The following PRKN variants were observed in gnomAD, a reference collection of about 807,000 sequenced individuals.
PRKN encodes the protein parkin RBR E3 ubiquitin protein ligase, also known as E3 ubiquitin-protein ligase parkin.
A neutral mutation model predicts 59.5 loss-of-function variants in PRKN; 56 were observed. That is an observed-to-expected ratio of 0.94 (90% CI 0.76 to 1.18). PRKN has a LOEUF of 1.18. Ranked by LOEUF, PRKN falls within the 50% of genes most tolerant of loss-of-function variation. PRKN has a pLI of 0.00. For synonymous variants in PRKN, 250 were observed against 222.1 expected (o/e 1.13, Z -1.12); for missense variants, 657 against 596.4 (o/e 1.10, Z -1.06).
intron 5 of PRKN, among the ~76,000 whole-genome samples, chr6:162,027,230 CTTCATAGGAA>C (rs1334648075): frequency 6.6e-6 from 1 of 152,190 alleles, no homozygotes; most frequent in Non-Finnish European, 1.5e-5. Context: ...AGTCTCCATA[CTTCATAGGAA>C]TTCATCTTAT....
chr6:162,141,473 T>G (rs1781779686), intron 4 of PRKN, among the ~76,000 whole-genome samples: 1 of 152,178 alleles, frequency 6.6e-6, no homozygotes, highest in African/African-American at 2.4e-5. Flanking sequence ...ACATTCTAGC[T>G]CAAATAAGTG....
chr6:162,670,280 G>A (rs778017045), intron 1 of PRKN, among the ~76,000 whole-genome samples: 2 of 152,112 alleles, frequency 1.3e-5, no homozygotes, highest in Non-Finnish European at 2.9e-5. Flanking sequence ...AAATCTTTAT[G>A]ACAATAACAA....
chr6:161,485,475 G>A (rs573842805), intron 9 of PRKN, among the ~76,000 whole-genome samples: 50 of 152,268 alleles, frequency 3.3e-4, no homozygotes, highest in Non-Finnish European at 5.9e-4. Context: ...ACTGGAGTTA[G>A]AAATGAAAAT....
chr6:162,190,634 A>G (rs771675246), intron 4 of PRKN, among the ~76,000 whole-genome samples: 2 of 152,188 alleles, frequency 1.3e-5, no homozygotes, highest in Non-Finnish European at 2.9e-5. Context: ...GCACGCATAC[A>G]TTCATAATGC....
In PRKN at chr6:161,349,850, T is replaced by C; in HGVS notation, c.*249A>G. On this transcript the variant is annotated 3_prime_UTR_variant, in exon 12 of 12. Transcript: ENST00000366898. The surrounding 1 kb of genome is among the most constrained non-coding windows in gnomAD (Gnocchi z 5.5). Reference sequence around the variant, plus strand: ...TGTCGCAGATGGCTCTGCTGTCTTGTGTGGACAAACTGAAAGGGATTCAGG... The same window carrying C: ...TGTCGCAGATGGCTCTGCTGTCTTGCGTGGACAAACTGAAAGGGATTCAGG... The C allele has an allele frequency of 1.8e-6, 1 of 570,992 alleles. No homozygotes were observed. Among genetic ancestry groups the C allele is most frequent in the Non-Finnish European group, 3.2e-6 (1 of 313,426 alleles). 35.4% of individuals were successfully genotyped at this position (570,992 alleles called of 1,614,324 possible). A position where few individuals can be genotyped will look rare whatever the true frequency, so the allele number is the denominator to read the frequency against.
chr6:162,103,042 CA>C (rs1163020488), intron 4 of PRKN, among the ~76,000 whole-genome samples: 151 of 54,354 alleles, frequency 2.8e-3, no homozygotes, highest in South Asian at 0.013. Flanking sequence ...GACTCTGTCT[CA>C]AAAAAAAAAA....
At chr6:162,442,269 G>C (rs1452057117) in intron 2 of PRKN, among the ~76,000 whole-genome samples, 1 of 152,178 alleles carries the variant, frequency 6.6e-6, no homozygotes, top group Non-Finnish European at 1.5e-5. Flanking sequence ...GACGGACTTT[G>C]TGTACTCTGA....
At chr6:161,810,450 T>G (rs1791512310) in intron 6 of PRKN, among the ~76,000 whole-genome samples, 1 of 152,238 alleles carries the variant, frequency 6.6e-6, no homozygotes, top group Admixed American at 6.5e-5. Context: ...AATTCTAGAC[T>G]GATAATAAAT....
intron 6 of PRKN, among the ~76,000 whole-genome samples, chr6:161,946,530 A>T (rs1339827863): frequency 6.6e-6 from 1 of 151,940 alleles, no homozygotes; most frequent in African/African-American, 2.4e-5. Flanking sequence ...ATTGATGGTG[A>T]CACTGATAAA....
chr6:161,775,584 A>G (rs950420519), intron 7 of PRKN, among the ~76,000 whole-genome samples: 1 of 152,178 alleles, frequency 6.6e-6, no homozygotes, highest in South Asian at 2.1e-4. Context: ...AATTTTTAAT[A>G]TGCGTGTTGG....
intron 4 of PRKN, among the ~76,000 whole-genome samples, chr6:162,115,351 G>T (rs181655241): frequency 0.024 from 3,612 of 151,384 alleles, 149 homozygotes; most frequent in African/African-American, 0.077. Flanking sequence ...GTTGTGGGGT[G>T]GGGGGAGGCG....
At chr6:161,803,324 T>C (rs1238650436) in intron 6 of PRKN, among the ~76,000 whole-genome samples, 1 of 152,204 alleles carries the variant, frequency 6.6e-6, no homozygotes. Context: ...GTCTATTTCA[T>C]TCTCAGGCCC....
chr6:162,276,999 G>C (rs914293346), intron 2 of PRKN, among the ~76,000 whole-genome samples: 6 of 152,096 alleles, frequency 3.9e-5, no homozygotes, highest in Admixed American at 1.3e-4. Context: ...AAAAATCCAT[G>C]AATATATGAT....
At chr6:161,808,786 T>C (rs190096702) in intron 6 of PRKN, among the ~76,000 whole-genome samples, 1 of 152,248 alleles carries the variant, frequency 6.6e-6, no homozygotes, top group Admixed American at 6.5e-5. Flanking sequence ...TTAAACTTAG[T>C]TTACTCCATT....
intron 6 of PRKN, among the ~76,000 whole-genome samples, chr6:161,939,830 A>AACT (rs1779492252): frequency 6.6e-6 from 1 of 152,128 alleles, no homozygotes; most frequent in South Asian, 2.1e-4. Context: ...ATTACTAAGT[A>AACT]ATTTTTTTAT....
intron 2 of PRKN, among the ~76,000 whole-genome samples, chr6:162,341,233 G>A (rs935312666): frequency 6.6e-6 from 1 of 152,010 alleles, no homozygotes; most frequent in African/African-American, 2.4e-5. Context: ...GTTAGAATGG[G>A]GATCATTAAA....
chr6:162,476,796 G>C (rs1373202406), intron 1 of PRKN, among the ~76,000 whole-genome samples: 2 of 152,110 alleles, frequency 1.3e-5, no homozygotes, highest in East Asian at 1.9e-4. Context: ...CTTTCGAATT[G>C]TTAACCACCC....
At chr6:161,684,132 T>C (rs1161934855) in intron 7 of PRKN, among the ~76,000 whole-genome samples, 1 of 152,212 alleles carries the variant, frequency 6.6e-6, no homozygotes. Flanking sequence ...ATGAAAGATG[T>C]TGGACAGTTA....
At chr6:162,495,752 C>A (rs1793037809) in intron 1 of PRKN, among the ~76,000 whole-genome samples, 1 of 152,290 alleles carries the variant, frequency 6.6e-6, no homozygotes, top group Non-Finnish European at 1.5e-5. Context: ...GCACTCAGCA[C>A]CATCACCGAC....
Sources: allele counts gnomAD v4.1 joint callset (sites outside exome capture counted in the v4.1 genomes callset), GRCh38; gene constraint gnomAD v4.1.1; non-coding constraint Gnocchi (gnomAD v3.1); transcripts MANE v1.5; gene names NCBI Gene and HGNC (gene_info 2026-07-23, HGNC 2026-07-21).